Variants in PSMD14 observed in about 807,000 individuals in gnomAD.
The protein encoded by PSMD14 is ubiquitin C-terminal hydrolase PSMD14.
A neutral mutation model predicts 41.2 loss-of-function variants in PSMD14; 7 were observed. The ratio of observed to expected loss-of-function variants is 0.17; its 90% CI spans 0.10 to 0.32. The LOEUF (loss-of-function observed/expected upper bound fraction) is 0.32, where lower values mean the gene tolerates loss of function less well. PSMD14 is among the 10% of genes least tolerant of loss of function. PSMD14 has a pLI of 1.00. For missense variants in PSMD14, 139 were observed against 375.6 expected, an observed-to-expected ratio of 0.37 and a Z score of 5.21; for synonymous variants, 114 against 122.3, an observed-to-expected ratio of 0.93 and a Z score of 0.45.
At chr2:161,358,625 C>A (rs530404183) in intron 3 of PSMD14, among the ~76,000 whole-genome samples, 1 of 152,148 alleles carries the variant, frequency 6.6e-6, no homozygotes, top group Admixed American at 6.5e-5. Flanking sequence ...TTGACTCATA[C>A]GTTTTTCTCC....
chr2:161,325,338 G>C (rs1157355287), intron 3 of PSMD14, among the ~76,000 whole-genome samples: 2 of 152,112 alleles, frequency 1.3e-5, no homozygotes, highest in Non-Finnish European at 2.9e-5. Context: ...GAATTGAATA[G>C]GATGTATTTT....
intron 11 of PSMD14, 62 bp downstream of exon 11, chr2:161,408,961 C>A: frequency 7.4e-7 from 1 of 1,352,152 alleles, no homozygotes. Flanking sequence ...AGAGTTAAAA[C>A]TGTTTTAGGG....
At chr2:161,396,281 A>G (rs1683793093) in intron 10 of PSMD14, among the ~76,000 whole-genome samples, 1 of 152,222 alleles carries the variant, frequency 6.6e-6, no homozygotes, top group Non-Finnish European at 1.5e-5. Context: ...CACTGGTTGC[A>G]CATCCAAAGG....
chr2:161,310,850 A>G (rs893489685), intron 1 of PSMD14, among the ~76,000 whole-genome samples: 3 of 152,124 alleles, frequency 2.0e-5, no homozygotes, highest in African/African-American at 7.2e-5. Flanking sequence ...CTTTCCCTTT[A>G]CATATTTTTT....
chr2:161,373,010 G>A (rs1683460447), intron 7 of PSMD14, among the ~76,000 whole-genome samples: 1 of 151,716 alleles, frequency 6.6e-6, no homozygotes, highest in East Asian at 1.9e-4. Context: ...TCAAAATAGA[G>A]TAAATAAATG....
intron 10 of PSMD14, among the ~76,000 whole-genome samples, chr2:161,404,760 T>G (rs1160382913): frequency 3.9e-5 from 6 of 152,216 alleles, no homozygotes; most frequent in Admixed American, 3.9e-4. Flanking sequence ...ATCATACCTT[T>G]GAACTTCTGA....
rs867415419 is a variant in PSMD14 at position 161,320,148 on chromosome 2, G to A, written c.48+1275G>A. Among the ~76,000 whole-genome samples, 6 of 152,210 alleles carry A rather than the reference G, an allele frequency of 3.9e-5. No individual in the cohort carries two copies. The South Asian group carries it at 1.0e-3, about 26-fold the overall frequency. ...TAATAGTGTTCAGGCATGTGAAAATGTGAGAAGTGAGCAGAGGTGGTATGT... is the reference window on the plus strand; with the variant it reads ...TAATAGTGTTCAGGCATGTGAAAATATGAGAAGTGAGCAGAGGTGGTATGT... On this transcript the variant is annotated intron_variant, in intron 3 of 11. Transcript: ENST00000409682.
At chr2:161,375,948 C>T (rs139845400) in intron 7 of PSMD14, among the ~76,000 whole-genome samples, 117 of 151,406 alleles carry the variant, frequency 7.7e-4, no homozygotes, top group African/African-American at 2.8e-3. Context: ...TCTAGAAGGT[C>T]GTGTCTTTTC....
intron 1 of PSMD14, among the ~76,000 whole-genome samples, chr2:161,314,630 A>G (rs1574111768): frequency 6.6e-6 from 1 of 152,160 alleles, no homozygotes; most frequent in Admixed American, 6.5e-5. Context: ...ACATGGAATC[A>G]CATAACATGT....
At chr2:161,310,784 C>T (rs1469363027) in intron 1 of PSMD14, among the ~76,000 whole-genome samples, 2 of 152,076 alleles carry the variant, frequency 1.3e-5, no homozygotes, top group Non-Finnish European at 2.9e-5. Flanking sequence ...GTGGTGACGC[C>T]GGATTCAAAT....
chr2:161,401,475 G>A (rs539118534), intron 10 of PSMD14, among the ~76,000 whole-genome samples: 1 of 152,344 alleles, frequency 6.6e-6, no homozygotes, highest in Admixed American at 6.5e-5. Context: ...TGTGTGCAAT[G>A]TGGTCTTTTA....
At chr2:161,336,469 T>C (rs1174544115) in intron 3 of PSMD14, among the ~76,000 whole-genome samples, 3 of 152,244 alleles carry the variant, frequency 2.0e-5, no homozygotes, top group Non-Finnish European at 2.9e-5. Context: ...ATTTTTTCTT[T>C]AGTATTTTCA....
intron 7 of PSMD14, chr2:161,384,918 A>G (rs942073498): frequency 6.6e-6 from 1 of 151,848 alleles, no homozygotes; most frequent in Non-Finnish European, 1.5e-5. Flanking sequence ...ATTTAAGGCC[A>G]TCAGACAAGG....
chr2:161,360,231 C>T (rs974922477), intron 3 of PSMD14, among the ~76,000 whole-genome samples: 1 of 151,360 alleles, frequency 6.6e-6, no homozygotes, highest in South Asian at 2.1e-4. Flanking sequence ...ACTGTGTCCC[C>T]CAGACTGGAG....
intron 3 of PSMD14, among the ~76,000 whole-genome samples, chr2:161,344,797 G>A (rs1020153710): frequency 4.6e-5 from 7 of 152,152 alleles, no homozygotes; most frequent in African/African-American, 7.2e-5. Flanking sequence ...GTGGACACAA[G>A]CCTGCTCATA....
intron 3 of PSMD14, among the ~76,000 whole-genome samples, chr2:161,327,297 A>G (rs1682713267): frequency 6.6e-6 from 1 of 152,096 alleles, no homozygotes. Context: ...GGTGTTGGAG[A>G]TGGTGGTATT....
chr2:161,380,212 C>G (rs1477575909), intron 7 of PSMD14, among the ~76,000 whole-genome samples: 2 of 151,780 alleles, frequency 1.3e-5, no homozygotes, highest in African/African-American at 4.8e-5. Context: ...AGTGATAGAC[C>G]CAGAATTCTA....
intron 3 of PSMD14, among the ~76,000 whole-genome samples, chr2:161,353,546 A>C (rs1168572583): frequency 1.3e-5 from 2 of 152,110 alleles, no homozygotes; most frequent in Non-Finnish European, 2.9e-5. Context: ...ATCTTCCCAG[A>C]ATGCCTTTTC....
chr2:161,354,758 G>T (rs17758740), intron 3 of PSMD14, among the ~76,000 whole-genome samples: 1 of 152,198 alleles, frequency 6.6e-6, no homozygotes, highest in Non-Finnish European at 1.5e-5. Flanking sequence ...TAAAGGGAAA[G>T]AAATGTCATA....
Sources: allele counts gnomAD v4.1 joint callset (sites outside exome capture counted in the v4.1 genomes callset), GRCh38; gene constraint gnomAD v4.1.1; transcripts MANE v1.5; gene names NCBI Gene and HGNC (gene_info 2026-07-23, HGNC 2026-07-21).